The following CPS1 variants were observed in gnomAD, a reference collection of about 807,000 sequenced individuals.
CPS1 encodes carbamoyl-phosphate synthase 1.
Under a neutral mutation model 174.6 loss-of-function variants are expected in CPS1, and 109 were observed. The observed-to-expected ratio is 0.62, with a 90% CI of 0.53 to 0.73. The LOEUF (loss-of-function observed/expected upper bound fraction) is 0.73, where lower values mean the gene tolerates loss of function less well. CPS1 is among the 30% of genes least tolerant of loss of function. The pLI, the probability that CPS1 is intolerant of heterozygous loss-of-function variation, is 0.00. For missense variants in CPS1, 1,689 were observed against 1,821.9 expected (o/e 0.93, Z 1.33); for synonymous variants, 637 against 632.0 (o/e 1.01, Z -0.12).
intron 1 of CPS1, among the ~76,000 whole-genome samples, chr2:210,518,982 C>T (rs999753568): frequency 1.3e-5 from 2 of 151,936 alleles, no homozygotes; most frequent in African/African-American, 2.4e-5. Context: ...TTAGTTCCTA[C>T]CCTTCTCTCA....
At chr2:210,483,618 G>C (rs954959664) in intron 1 of CPS1, among the ~76,000 whole-genome samples, 8 of 152,094 alleles carry the variant, frequency 5.3e-5, no homozygotes, top group Non-Finnish European at 8.8e-5. Flanking sequence ...ATGCTGCCTT[G>C]ACTATATGGG....
At position 210,677,964 on chromosome 2, in the gene CPS1, C is replaced by T. The variant is rs769692031; in HGVS notation, c.4482C>T (p.Tyr1494=). Residue 1494 remains tyrosine (Y), a synonymous_variant, in exon 38 of 38, where the codon TAC becomes TAT. Transcript: ENST00000233072. ...DSKSLFHYRQ[Y]SAGKAA is the part of the protein sequence containing the mutation. ...AGAGTCTTTTCCACTACAGGCAGTA[C>T]AGTGCTGGAAAAGCAGCATAGAGAT... 4 of 1,613,770 alleles carry T rather than the reference C, an allele frequency of 2.5e-6. No homozygotes were observed. The Admixed American group carries it at 6.7e-5, about 27-fold the overall frequency.
rs1553516321 is a variant in CPS1, at chr2:210,639,131, T to C, written c.2830-19T>C. On this transcript the variant is annotated intron_variant, in intron 22 of 37. Transcript: ENST00000233072. Reference sequence around the variant, plus strand: ...TAATAACATTCTTATTTGTTTATTTTATTTGTTTTCTCTTACAGATTGATA... The same window carrying C: ...TAATAACATTCTTATTTGTTTATTTCATTTGTTTTCTCTTACAGATTGATA... 2 of 1,596,648 alleles carry C rather than the reference T, an allele frequency of 1.3e-6. No individual in the cohort carries two copies. The highest frequency in any genetic ancestry group is 1.7e-4 in the Middle Eastern group (1 of 6,022).
At chr2:210,512,757 T>C (rs1695534182) in intron 1 of CPS1, among the ~76,000 whole-genome samples, 3 of 64,384 alleles carry the variant, frequency 4.7e-5, no homozygotes, top group South Asian at 4.9e-4. Context: ...TATATATATA[T>C]ATATATATAT....
At chr2:210,530,201 G>T (rs1018197539) in intron 1 of CPS1, among the ~76,000 whole-genome samples, 6 of 151,984 alleles carry the variant, frequency 3.9e-5, no homozygotes, top group Admixed American at 3.9e-4. Flanking sequence ...CAAATGGCTT[G>T]TTCTATTGTT....
rs143570680 is a variant in CPS1 at position 210,645,706 on chromosome 2, C to T, written c.3142-2157C>T. Among the ~76,000 whole-genome samples the T allele has an allele frequency of 2.6e-5, 4 of 152,298 alleles. No homozygotes were observed. In the East Asian group the frequency reaches 7.7e-4, roughly 29 times the overall value. On this transcript the variant is annotated intron_variant, in intron 25 of 37. Coordinates refer to ENST00000233072, the MANE Select transcript of CPS1 (RefSeq NM_001875.5). ...GCTGAGGCACGAGAATTCCTTGAACCTGGGAGGCGGAGATTGCAGTGAGCT... is the reference window on the plus strand; with the variant it reads ...GCTGAGGCACGAGAATTCCTTGAACTTGGGAGGCGGAGATTGCAGTGAGCT...
Position 210,606,834 on chromosome 2 carries a change from T to G in CPS1, c.2085T>G (p.Gly695=). ...INVVRHLGIV[G]ECNIQFALHP... ...TTGTTCGCCACTTGGGCATTGTGGGTGAATGCAACATTCAGTTTGCCCTTC... is the reference window on the plus strand; with the variant it reads ...TTGTTCGCCACTTGGGCATTGTGGGGGAATGCAACATTCAGTTTGCCCTTC... The change falls in exon 18 of 38, where the codon GGT becomes GGG. Residue 695 remains glycine, a synonymous_variant. Transcript: ENST00000233072. The G allele has an allele frequency of 6.2e-7, 1 of 1,612,646 alleles. No individual in the cohort carries two copies. Among genetic ancestry groups the G allele is most frequent in the Non-Finnish European group, 8.5e-7 (1 of 1,179,116 alleles).
chr2:210,489,345 C>T (rs1051578551), intron 1 of CPS1, among the ~76,000 whole-genome samples: 4 of 152,158 alleles, frequency 2.6e-5, no homozygotes, highest in African/African-American at 9.7e-5. Context: ...TTTCTGGCTA[C>T]AGAGCATTTC....
At position 210,592,897 on chromosome 2, in the gene CPS1, A is replaced by G; in HGVS notation, c.1105A>G (p.Lys369Glu). The G allele has an allele frequency of 6.2e-7, 1 of 1,612,494 alleles. No individual in the cohort carries two copies. The highest frequency in any genetic ancestry group is 8.5e-7 in the Non-Finnish European group (1 of 1,178,976). ...CCTTTAGGGGATTATGCATGAGAGC[A>G]AACCCTTCTTCGCTGTGCAGTTCCA... ...QTNEGIMHESKPFFAVQFHPE... is the reference protein window; with the variant it reads ...QTNEGIMHESEPFFAVQFHPE... The change falls in exon 11 of 38, where the codon AAA becomes GAA. Residue 369 changes from lysine to glutamate, a missense_variant. Coordinates refer to ENST00000233072, the MANE Select transcript of CPS1 (RefSeq NM_001875.5).
chr2:210,630,034 C>T (rs1048500713), intron 21 of CPS1, among the ~76,000 whole-genome samples: 1 of 150,808 alleles, frequency 6.6e-6, no homozygotes, highest in Non-Finnish European at 1.5e-5. Context: ...GATCCTGCCA[C>T]TGCACTCCAG....
chr2:210,650,772 G>A (rs190271036), intron 28 of CPS1, among the ~76,000 whole-genome samples: 2 of 152,128 alleles, frequency 1.3e-5, no homozygotes, highest in Admixed American at 6.5e-5. Context: ...TTAGATGCTG[G>A]TCAGGGTATT....
At chr2:210,533,549 C>T (rs927713868) in intron 1 of CPS1, among the ~76,000 whole-genome samples, 11 of 152,080 alleles carry the variant, frequency 7.2e-5, no homozygotes, top group African/African-American at 1.9e-4. Context: ...GTCAGGCTCT[C>T]GAGTCTGTGT....
chr2:210,531,597 G>C (rs184654036), intron 1 of CPS1, among the ~76,000 whole-genome samples: 28 of 152,076 alleles, frequency 1.8e-4, no homozygotes, highest in African/African-American at 5.1e-4. Flanking sequence ...GAGAATTTCT[G>C]GTAACTTTGA....
intron 19 of CPS1, 80 bp downstream of exon 19, chr2:210,608,639 G>A (rs1292344372): frequency 9.9e-6 from 14 of 1,407,522 alleles, no homozygotes; most frequent in Non-Finnish European, 1.4e-5. Context: ...CAGTGTTAAA[G>A]TTGCCTGGAT....
At chr2:210,579,229 C>A (rs1029504871) in intron 4 of CPS1, among the ~76,000 whole-genome samples, 6 of 152,124 alleles carry the variant, frequency 3.9e-5, no homozygotes, top group African/African-American at 1.4e-4. Context: ...CTCTATCCAA[C>A]GTAGTCAAAG....
intron 6 of CPS1, among the ~76,000 whole-genome samples, chr2:210,587,354 C>G (rs1698143774): frequency 1.3e-5 from 2 of 152,152 alleles, no homozygotes; most frequent in African/African-American, 2.4e-5. Flanking sequence ...GGCTTTCTCT[C>G]TATTATTTCT....
At chr2:210,588,226 G>A (rs1698170812) in intron 7 of CPS1, 79 bp downstream of exon 7, 9 of 1,226,946 alleles carry the variant, frequency 7.3e-6, no homozygotes, top group Non-Finnish European at 1.2e-6. Context: ...CTGTCACAGA[G>A]AAACTTATGC....
At chr2:210,669,883 C>A (rs375087689) in intron 34 of CPS1, among the ~76,000 whole-genome samples, 6 of 152,070 alleles carry the variant, frequency 3.9e-5, no homozygotes, top group African/African-American at 1.4e-4. Context: ...CATAATAGTG[C>A]TAACATTTTA....
At chr2:210,511,095 G>A (rs1423528001) in intron 1 of CPS1, among the ~76,000 whole-genome samples, 1 of 152,028 alleles carries the variant, frequency 6.6e-6, no homozygotes, top group Non-Finnish European at 1.5e-5. Context: ...TGTTTATTGT[G>A]GCACTATTCA....
Sources: gnomAD v4.1 joint callset for allele counts (sites outside exome capture counted in the v4.1 genomes callset) on GRCh38, gnomAD v4.1.1 for gene constraint, MANE v1.5 for transcripts, NCBI Gene and HGNC (gene_info 2026-07-23, HGNC 2026-07-21) for gene names.